The following IGHMBP2 variants were observed in gnomAD, a reference collection of about 807,000 sequenced individuals.
IGHMBP2 encodes the protein immunoglobulin mu DNA binding protein 2, also known as DNA-binding protein SMUBP-2.
Under a neutral mutation model 96.0 loss-of-function variants are expected in IGHMBP2, and 81 were observed. The ratio of observed to expected loss-of-function variants is 0.84; its 90% CI spans 0.71 to 1.01. The LOEUF (loss-of-function observed/expected upper bound fraction) is 1.01, where lower values mean the gene tolerates loss of function less well. Ranked by LOEUF, IGHMBP2 falls within the 50% of genes least tolerant of loss-of-function variation. The pLI is 0.00. For synonymous variants in IGHMBP2, 557 were observed against 548.9 expected, an observed-to-expected ratio of 1.01 and a Z score of -0.21; for missense variants, 1,227 against 1,306.3, an observed-to-expected ratio of 0.94 and a Z score of 0.94.
intron 7 of IGHMBP2, among the ~76,000 whole-genome samples, chr11:68,923,455 G>T (rs564041502): frequency 6.6e-6 from 1 of 152,040 alleles, no homozygotes; most frequent in South Asian, 2.1e-4. Flanking sequence ...TGCCTGCCTC[G>T]GCCTCCCAGA....
At chr11:68,927,986 T>C (rs186928716) in intron 7 of IGHMBP2, among the ~76,000 whole-genome samples, 6 of 152,362 alleles carry the variant, frequency 3.9e-5, no homozygotes, top group Admixed American at 3.3e-4. Context: ...GATGCTTTTC[T>C]GGAATGAACA....
intron 9 of IGHMBP2, 32 bp from the exon 10 acceptor site, chr11:68,933,763 C>A: frequency 6.5e-7 from 1 of 1,546,412 alleles, no homozygotes; most frequent in East Asian, 2.3e-5. Flanking sequence ...ACTGTGGCCC[C>A]CTGATGTGCT....
intron 7 of IGHMBP2, among the ~76,000 whole-genome samples, chr11:68,924,146 TG>T (rs996475752): frequency 4.6e-5 from 7 of 152,138 alleles, no homozygotes; most frequent in Non-Finnish European, 7.3e-5. Context: ...AATAACTGGC[TG>T]GGGGGGTTGT....
At chr11:68,922,318 A>G (rs987426103) in intron 7 of IGHMBP2, among the ~76,000 whole-genome samples, 1 of 150,094 alleles carries the variant, frequency 6.7e-6, no homozygotes, top group African/African-American at 2.4e-5. Context: ...CTCCGTCTCA[A>G]AAAAAAAAAG....
chr11:68,936,874 G>A lies in IGHMBP2; in HGVS notation c.2394G>A (p.Gly798=), dbSNP rs757779436. The change falls in exon 13 of 15, where the codon GGG becomes GGA. Residue 798 remains glycine, a synonymous_variant. Coordinates refer to ENST00000255078, the MANE Select transcript of IGHMBP2 (RefSeq NM_002180.3). The part of the protein sequence containing the change: ...RPRAALGPPA[G]TGGPAPLQPV... ...GAGCAGCCCTGGGACCCCCAGCAGG[G>A]ACCGGTGGCCCAGCCCCTCTCCAGC... 1 of 1,611,562 alleles carries A rather than the reference G, an allele frequency of 6.2e-7. No individual in the cohort carries two copies. The highest frequency in any genetic ancestry group is 1.1e-5 in the South Asian group (1 of 90,920).
chr11:68,939,461 T>C, intron 14 of IGHMBP2, 73 bp from the exon 15 acceptor site: 1 of 1,550,112 alleles, frequency 6.5e-7, no homozygotes, highest in Middle Eastern at 2.3e-4. Flanking sequence ...CCCCCAGCTC[T>C]TTGATAGGCA....
chr11:68,911,592 C>T lies in IGHMBP2; in HGVS notation c.700C>T (p.Gln234Ter), dbSNP rs768449561. 6.2e-7 allele frequency: 1 copy of T among 1,614,094 alleles called. No homozygotes were observed. Among genetic ancestry groups the T allele is most frequent in the Non-Finnish European group, 8.5e-7 (1 of 1,180,054 alleles). The change falls in exon 5 of 15, where the codon CAA becomes TAA. Residue 234 changes from glutamine (Q) to a stop codon, truncating the protein, a stop_gained. Coordinates refer to ENST00000255078, the MANE Select transcript of IGHMBP2 (RefSeq NM_002180.3). LOFTEE classifies it high-confidence loss of function. ...VVEIILQAVK[Q>*]GLKVLCCAPS... The stretch of plus-strand genomic sequence containing the variant: ...TGAGATCATTCTTCAAGCTGTGAAA[C>T]AAGGCTTAAAGGTGGGCAGTGCATG...
At chr11:68,933,033 C>T (rs1447084593) in intron 8 of IGHMBP2, 17 of 553,870 alleles carry the variant, frequency 3.1e-5, no homozygotes, top group East Asian at 1.2e-4. Flanking sequence ...CATCCAGGGT[C>T]GCCTCCCCAT....
chr11:68,937,946 A>T (rs1434241349), intron 13 of IGHMBP2: 2 of 560,572 alleles, frequency 3.6e-6, no homozygotes, highest in African/African-American at 1.9e-5. Context: ...GGGAAGACAC[A>T]TGAGCTGCTT....
In IGHMBP2 at chr11:68,933,412, G is replaced by A. The variant is rs771485988; in HGVS notation, c.1349G>A (p.Arg450His). The A allele has an allele frequency of 1.9e-5, 30 of 1,613,046 alleles. No homozygotes were observed. Among genetic ancestry groups the A allele is most frequent in the Admixed American group, 3.3e-5 (2 of 59,960 alleles). ...VQYRMHQAIM[R>H]WASDTMYLGQ... ...TACCGCATGCACCAGGCTATCATGC[G>A]CTGGGCCTCAGACACCATGTACCTT... is the stretch of plus-strand genomic sequence containing the variant. The change falls in exon 9 of 15, where the codon CGC (arginine) becomes CAC (histidine). Residue 450 changes from arginine (R) to histidine (H), a missense_variant. Physicochemically the swap from Arg to His is conservative, Grantham distance 29. Transcript: ENST00000255078.
At chr11:68,921,701 T>TA (rs1198559010) in intron 7 of IGHMBP2, among the ~76,000 whole-genome samples, 2 of 152,238 alleles carry the variant, frequency 1.3e-5, no homozygotes, top group Non-Finnish European at 2.9e-5. Context: ...CCCGTGTAGT[T>TA]ACCACTTTTG....
At chr11:68,915,165 CCT>C in intron 6 of IGHMBP2, 142 bp downstream of exon 6, 18 of 265,038 alleles carry the variant, frequency 6.8e-5, no homozygotes, top group South Asian at 3.2e-4. Context: ...ATTGGGCTGC[CCT>C]TTTTTTTTTT....
At chr11:68,926,993 A>C (rs530195600) in intron 7 of IGHMBP2, among the ~76,000 whole-genome samples, 22 of 152,072 alleles carry the variant, frequency 1.4e-4, no homozygotes, top group African/African-American at 5.3e-4. Flanking sequence ...CGAACTCCTG[A>C]CTCAGGTGAT....
rs770111639 is a variant in IGHMBP2, at chr11:68,935,359, G to A, written c.1693G>A (p.Asp565Asn). Residue 565 changes from aspartate to asparagine, a missense_variant, in exon 12 of 15, where the codon GAT becomes AAT. By Grantham distance (23) the Asp-to-Asn change is conservative. Transcript: ENST00000255078. ...RHPELEIKSV[D>N]GFQGREKEAV... is the part of the protein sequence containing the mutation. ...CCCTGAGCTTGAAATCAAGTCTGTC[G>A]ATGGCTTCCAAGGCCGAGAGAAGGA... is the stretch of plus-strand genomic sequence containing the variant. The A allele has an allele frequency of 2.2e-5, 35 of 1,614,040 alleles. No homozygotes were observed. The highest frequency in any genetic ancestry group is 2.7e-5 in the African/African-American group (2 of 74,958).
intron 11 of IGHMBP2, 87 bp from the exon 12 acceptor site, chr11:68,935,212 C>T (rs538069255): frequency 6.5e-5 from 101 of 1,547,088 alleles, no homozygotes; most frequent in South Asian, 8.1e-5. Context: ...TGTTTCACAG[C>T]GTGAGGCCCT....
intron 8 of IGHMBP2, chr11:68,930,492 T>A: frequency 1.6e-6 from 2 of 1,270,606 alleles, no homozygotes; most frequent in Non-Finnish European, 2.0e-6. Context: ...GAGGAAGATG[T>A]TGGAAATAAA....
At chr11:68,907,311 A>G (rs541310418) in intron 2 of IGHMBP2, among the ~76,000 whole-genome samples, 4 of 152,342 alleles carry the variant, frequency 2.6e-5, no homozygotes, top group African/African-American at 9.6e-5. Context: ...TTATGTTTCT[A>G]TGTAATGGGC....
At chr11:68,908,358 A>T (rs1293741701) in intron 3 of IGHMBP2, 21 bp downstream of exon 3, 1 of 1,606,948 alleles carries the variant, frequency 6.2e-7, no homozygotes, top group Middle Eastern at 1.7e-4. Flanking sequence ...GGGACTGGAA[A>T]TCCTAAGTAC....
At chr11:68,908,768 G>A (rs1858302022) in intron 4 of IGHMBP2, 137 bp downstream of exon 4, 1 of 674,322 alleles carries the variant, frequency 1.5e-6, no homozygotes, top group Non-Finnish European at 2.7e-6. Context: ...TTGTAGGAGT[G>A]TCTCGGAGGG....
Sources: allele counts gnomAD v4.1 joint callset (sites outside exome capture counted in the v4.1 genomes callset), GRCh38; gene constraint gnomAD v4.1.1; transcripts MANE v1.5; gene names NCBI Gene and HGNC (gene_info 2026-07-23, HGNC 2026-07-21).